NPSR1: variants seen among roughly 807,000 people sequenced by gnomAD.
NPSR1 encodes neuropeptide S receptor 1.
A neutral mutation model predicts 46.9 loss-of-function variants in NPSR1; 48 were observed. That is an observed-to-expected ratio of 1.02 (90% CI 0.81 to 1.30). The LOEUF (loss-of-function observed/expected upper bound fraction) is 1.30, where lower values mean the gene tolerates loss of function less well. Among genes scored for constraint, NPSR1 ranks in the 50% most tolerant of loss-of-function variants. The pLI, the probability that NPSR1 is intolerant of heterozygous loss-of-function variation, is 0.00. For missense variants in NPSR1, 450 were observed against 449.5 expected (o/e 1.00, Z -0.01); for synonymous variants, 176 against 168.1 (o/e 1.05, Z -0.36).
chr7:34,733,231 C>T (rs570611706), intron 2 of NPSR1, among the ~76,000 whole-genome samples: 4 of 151,970 alleles, frequency 2.6e-5, no homozygotes, highest in Non-Finnish European at 5.9e-5. Context: ...ACCAGCCTGG[C>T]CAACATGGTG....
intron 8 of NPSR1, among the ~76,000 whole-genome samples, chr7:34,869,175 A>G (rs1471699261): frequency 2.0e-5 from 3 of 151,738 alleles, no homozygotes; most frequent in Admixed American, 6.6e-5. Context: ...AGCAGTCAGG[A>G]CTTTTCATCA....
intron 2 of NPSR1, among the ~76,000 whole-genome samples, chr7:34,701,565 C>T (rs187883785): frequency 6.6e-6 from 1 of 152,142 alleles, no homozygotes; most frequent in Admixed American, 6.5e-5. Flanking sequence ...AATGAATATG[C>T]CTTCTCTCTT....
intron 2 of NPSR1, chr7:34,703,814 T>C (rs1192606099): frequency 7.3e-6 from 1 of 137,320 alleles, no homozygotes; most frequent in African/African-American, 2.9e-5. Flanking sequence ...AAATTATTCA[T>C]TTACCATCTT....
intron 2 of NPSR1, chr7:34,711,067 G>T: frequency 3.1e-6 from 1 of 327,844 alleles, no homozygotes; most frequent in South Asian, 3.1e-5. Flanking sequence ...TGAGCCCAAA[G>T]GTCCAAAAGG....
At chr7:34,750,623 C>A in intron 2 of NPSR1, 1 of 685,852 alleles carries the variant, frequency 1.5e-6, no homozygotes, top group East Asian at 2.8e-5. Flanking sequence ...TATAGCCTTG[C>A]CCTCAGGCTT....
At chr7:34,675,200 T>G (rs1244432057) in intron 1 of NPSR1, among the ~76,000 whole-genome samples, 2 of 152,230 alleles carry the variant, frequency 1.3e-5, no homozygotes, top group African/African-American at 4.8e-5. Context: ...TAAATGATGC[T>G]TGGCACATGG....
chr7:34,782,893 A>G (rs1222283015), intron 3 of NPSR1, among the ~76,000 whole-genome samples: 2 of 152,180 alleles, frequency 1.3e-5, no homozygotes, highest in Non-Finnish European at 2.9e-5. Flanking sequence ...TGAAATCAGT[A>G]AAACAGTACA....
chr7:34,867,238 T>C (rs558891409), intron 8 of NPSR1, among the ~76,000 whole-genome samples: 1 of 151,820 alleles, frequency 6.6e-6, no homozygotes, highest in South Asian at 2.1e-4. Context: ...ACAGAGCAGA[T>C]GGGAGGAGGG....
At chr7:34,715,699 C>A (rs1204169489) in intron 2 of NPSR1, among the ~76,000 whole-genome samples, 3 of 152,186 alleles carry the variant, frequency 2.0e-5, no homozygotes, top group African/African-American at 7.2e-5. Flanking sequence ...TACAAAATAG[C>A]TGTATTTGGA....
chr7:34,833,198 G>A lies in NPSR1; in HGVS notation c.681-1186G>A, dbSNP rs371765728. Among the ~76,000 whole-genome samples, 5 of 152,220 alleles carry A rather than the reference G, an allele frequency of 3.3e-5. No individual in the cohort carries two copies. The East Asian group carries it at 9.6e-4, about 29-fold the overall frequency. On this transcript the variant is annotated intron_variant, in intron 5 of 8. Coordinates refer to ENST00000360581, the MANE Select transcript of NPSR1 (RefSeq NM_207172.2). ...GATTTTTTAAAATAATTCTCAAGAG[G>A]GAAGATACACAGTTTTAAAATAAAG...
At chr7:34,870,934 A>G (rs1329247844) in intron 8 of NPSR1, among the ~76,000 whole-genome samples, 3 of 151,416 alleles carry the variant, frequency 2.0e-5, no homozygotes, top group Admixed American at 2.0e-4. Context: ...ATGGATGGAT[A>G]GATGGATGGA....
At chr7:34,787,231 A>G (rs1167671228) in intron 3 of NPSR1, among the ~76,000 whole-genome samples, 3 of 152,124 alleles carry the variant, frequency 2.0e-5, no homozygotes, top group Admixed American at 1.3e-4. Flanking sequence ...GCATGTTTAT[A>G]TTACAGAGAC....
chr7:34,770,638 G>A (rs1356475319), intron 2 of NPSR1, among the ~76,000 whole-genome samples: 1 of 152,062 alleles, frequency 6.6e-6, no homozygotes, highest in Non-Finnish European at 1.5e-5. Context: ...CAAGCAGAGG[G>A]AACACCTATC....
intron 8 of NPSR1, among the ~76,000 whole-genome samples, chr7:34,874,419 T>TAG (rs1791530442): frequency 6.6e-6 from 1 of 152,068 alleles, no homozygotes; most frequent in Non-Finnish European, 1.5e-5. Context: ...GATTCCTGGG[T>TAG]AGAGACCTGA....
chr7:34,766,150 T>C (rs1198885357), intron 2 of NPSR1, among the ~76,000 whole-genome samples: 1 of 152,168 alleles, frequency 6.6e-6, no homozygotes, highest in Non-Finnish European at 1.5e-5. Context: ...TGATGAAATA[T>C]CACTACATAT....
chr7:34,827,597 C>T lies in NPSR1; in HGVS notation c.675C>T (p.Ile225=), dbSNP rs866569361. The T allele has an allele frequency of 1.4e-6, 2 of 1,400,050 alleles. No homozygotes were observed. Among genetic ancestry groups the T allele is most frequent in the Admixed American group, 3.8e-5 (2 of 53,290 alleles). 86.7% of individuals were successfully genotyped at this position (1,400,050 alleles called of 1,614,324 possible). ...AFLVYFIPLT[I]ISIMYGIVIR... ...TGGTGTACTTCATCCCTCTGACAAT[C>T]ATCAGGTAAGAAGCCGTCAGGACAG... The change falls in exon 5 of 9, where the codon ATC becomes ATT. Residue 225 remains isoleucine, a synonymous_variant. Transcript: ENST00000360581.
At chr7:34,877,464 A>C (rs1791603078) in intron 8 of NPSR1, among the ~76,000 whole-genome samples, 3 of 152,280 alleles carry the variant, frequency 2.0e-5, no homozygotes, top group Admixed American at 1.3e-4. Flanking sequence ...GTGTCACTGC[A>C]CTATTTGGGG....
intron 3 of NPSR1, among the ~76,000 whole-genome samples, chr7:34,794,191 T>C (rs1448200157): frequency 1.3e-5 from 2 of 152,104 alleles, no homozygotes; most frequent in African/African-American, 4.8e-5. Flanking sequence ...TAGTGTATTA[T>C]ATATTTCAAA....
At chr7:34,660,133 G>A (rs762570274) in intron 1 of NPSR1, 20 of 456,500 alleles carry the variant, frequency 4.4e-5, no homozygotes, top group Middle Eastern at 3.2e-4. Flanking sequence ...CAACATCATC[G>A]CCAGACACTA....
Sources: allele counts gnomAD v4.1 joint callset (sites outside exome capture counted in the v4.1 genomes callset), GRCh38; gene constraint gnomAD v4.1.1; transcripts MANE v1.5; gene names NCBI Gene and HGNC (gene_info 2026-07-23, HGNC 2026-07-21).